AGAP1: variants seen among roughly 807,000 people sequenced by gnomAD.
AGAP1 encodes the protein ArfGAP with GTPase domain, ankyrin repeat and PH domain 1, also known as arf-GAP with GTPase, ANK repeat and PH domain-containing protein 1.
A neutral mutation model predicts 105.3 loss-of-function variants in AGAP1; 29 were observed. The ratio of observed to expected loss-of-function variants is 0.28; its 90% CI spans 0.21 to 0.38. AGAP1 has a LOEUF of 0.38. AGAP1 is among the 10% of genes least tolerant of loss of function. The pLI, the probability that AGAP1 is intolerant of heterozygous loss-of-function variation, is 1.00. For missense variants in AGAP1, 998 were observed against 1,165.1 expected, an observed-to-expected ratio of 0.86 and a Z score of 2.09; for synonymous variants, 509 against 485.9, an observed-to-expected ratio of 1.05 and a Z score of -0.63.
rs984528503 is a variant in AGAP1 at position 235,904,666 on chromosome 2, C to T, written c.1156-4072C>T. Among the ~76,000 whole-genome samples the T allele has an allele frequency of 2.6e-5, 4 of 152,140 alleles. No homozygotes were observed. Among genetic ancestry groups the T allele is most frequent in the East Asian group, 1.9e-4 (1 of 5,186 alleles). On this transcript the variant is annotated intron_variant, in intron 10 of 17. Transcript: ENST00000304032. This position sits in a 1 kb window ranked among gnomAD's most constrained non-coding sequence, Gnocchi z 4.2. ...TTTACCGAGGTCCCTAACTCAGACC[C>T]GTGAAGGGTCTGCACAGCCCCTTGA...
In AGAP1 at chr2:235,736,833, T is replaced by A. The variant is rs113978886; in HGVS notation, c.311-4130T>A. Among the ~76,000 whole-genome samples the A allele has an allele frequency of 6.6e-5, 10 of 152,246 alleles. No homozygotes were observed. Among genetic ancestry groups the A allele is most frequent in the African/African-American group, 2.2e-4 (9 of 41,546 alleles). ...TCCAGCCTAGGCAACAGAGTGAGAC[T>A]GTGTCTCAAAAAACAAAACAAAACA... On this transcript the variant is annotated intron_variant, in intron 3 of 17. Coordinates refer to ENST00000304032, the MANE Select transcript of AGAP1 (RefSeq NM_001037131.3). This position sits in a 1 kb window ranked among gnomAD's most constrained non-coding sequence, Gnocchi z 5.5.
chr2:235,589,183 CTTA>C (rs1945231800), intron 1 of AGAP1, among the ~76,000 whole-genome samples: 1 of 103,034 alleles, frequency 9.7e-6, no homozygotes, highest in African/African-American at 3.5e-5. Flanking sequence ...CAGTTAATAG[CTTA>C]TTGTTTTGTT....
At position 235,639,859 on chromosome 2, in the gene AGAP1, G is replaced by A. The variant is rs1947132253; in HGVS notation, c.164-69320G>A. Among the ~76,000 whole-genome samples the A allele has an allele frequency of 6.6e-6, 1 of 152,120 alleles. No homozygotes were observed. The highest frequency in any genetic ancestry group is 2.4e-5 in the African/African-American group (1 of 41,410). ...TTGGATTATTTGCAACGTCTTGAGGGGTCCACGGATTGATAGAGTCAGCAG... is the reference window on the plus strand; with the variant it reads ...TTGGATTATTTGCAACGTCTTGAGGAGTCCACGGATTGATAGAGTCAGCAG... On this transcript the variant is annotated intron_variant, in intron 1 of 17. Transcript: ENST00000304032. This position sits in a 1 kb window ranked among gnomAD's most constrained non-coding sequence, Gnocchi z 5.3.
intron 1 of AGAP1, among the ~76,000 whole-genome samples, chr2:235,707,005 G>A (rs372552697): frequency 6.6e-5 from 10 of 152,268 alleles, no homozygotes; most frequent in East Asian, 3.8e-4. Context: ...GCCCACGCTA[G>A]TGCGTTCCTC....
chr2:235,589,186 ATTGTTTTGTTTTTTTTTT>A (rs1423315111), intron 1 of AGAP1, among the ~76,000 whole-genome samples: 3 of 35,086 alleles, frequency 8.6e-5, no homozygotes, highest in Admixed American at 3.2e-4. Flanking sequence ...TTAATAGCTT[ATTGTTTTGTTTTTTTTTT>A]TTTTTTTTTT....
At chr2:235,546,666 G>A (rs545476287) in intron 1 of AGAP1, among the ~76,000 whole-genome samples, 4 of 152,204 alleles carry the variant, frequency 2.6e-5, no homozygotes, top group Admixed American at 2.6e-4. Context: ...GGCATCATTG[G>A]GAGTGATGGC....
intron 1 of AGAP1, among the ~76,000 whole-genome samples, chr2:235,686,554 T>TACAC (rs1315334928): frequency 4.7e-3 from 241 of 51,350 alleles, no homozygotes; most frequent in Middle Eastern, 0.024. Flanking sequence ...GAGATATATA[T>TACAC]ATACACACAC....
chr2:235,718,315 A>G (rs1242431160), intron 3 of AGAP1: 15 of 959,500 alleles, frequency 1.6e-5, no homozygotes, highest in African/African-American at 1.8e-5. Flanking sequence ...ACTTTGTTAA[A>G]TCCAACTCTG....
chr2:235,943,057 T>G (rs2053334756), intron 12 of AGAP1, among the ~76,000 whole-genome samples: 1 of 152,256 alleles, frequency 6.6e-6, no homozygotes, highest in Admixed American at 6.5e-5. Context: ...AACTTTGTGA[T>G]GTTTTGTGTT....
intron 1 of AGAP1, among the ~76,000 whole-genome samples, chr2:235,708,480 T>G (rs1575187482): frequency 1.3e-5 from 2 of 151,400 alleles, no homozygotes; most frequent in African/African-American, 4.9e-5. Context: ...CGGGGGAGAG[T>G]GCACCTGCAG....
chr2:235,623,325 A>G lies in AGAP1; in HGVS notation c.164-85854A>G, dbSNP rs556483365. The stretch of plus-strand genomic sequence containing the variant: ...AATCTGGGCGTTAGCCTACAAATCA[A>G]GATTTGCTTTGCCTCGTTGTGTAAA... On this transcript the variant is annotated intron_variant, in intron 1 of 17. Transcript: ENST00000304032. This position sits in a 1 kb window ranked among gnomAD's most constrained non-coding sequence, Gnocchi z 4.5. 1.3e-5 allele frequency among the ~76,000 whole-genome samples: 2 copies of G among 152,322 alleles called. No individual in the cohort carries two copies. The highest frequency in any genetic ancestry group is 4.1e-4 in the South Asian group (2 of 4,830).
chr2:236,115,235 C>T (rs1392494463), intron 16 of AGAP1, among the ~76,000 whole-genome samples: 1 of 152,210 alleles, frequency 6.6e-6, no homozygotes, highest in African/African-American at 2.4e-5. Context: ...TCGTGACAGC[C>T]GCTGTTTGCA....
At chr2:235,863,193 A>G (rs1272703223) in intron 9 of AGAP1, among the ~76,000 whole-genome samples, 1 of 152,230 alleles carries the variant, frequency 6.6e-6, no homozygotes, top group Non-Finnish European at 1.5e-5. Context: ...TGATGTAGCA[A>G]CTAAGGAGCC....
At chr2:235,546,637 G>A (rs945381985) in intron 1 of AGAP1, among the ~76,000 whole-genome samples, 6 of 152,094 alleles carry the variant, frequency 3.9e-5, no homozygotes, top group Non-Finnish European at 5.9e-5. Context: ...CGTGGCTGGC[G>A]TGGTGACGGG....
intron 16 of AGAP1, among the ~76,000 whole-genome samples, chr2:236,079,747 G>T (rs1341989709): frequency 6.6e-6 from 1 of 152,058 alleles, no homozygotes; most frequent in Non-Finnish European, 1.5e-5. Context: ...CAGGGAAGGG[G>T]GTGGTACAGA....
chr2:235,729,964 A>G lies in AGAP1; in HGVS notation c.311-10999A>G, dbSNP rs1174767704. On this transcript the variant is annotated intron_variant, in intron 3 of 17. Transcript: ENST00000304032. The surrounding 1 kb of genome is among the most constrained non-coding windows in gnomAD (Gnocchi z 5.0). ...AGGCAGTTCGCCAGCCCCCTACCCT[A>G]CAGTATGGAAAAAAGGCATAGAACA... 6.6e-6 allele frequency among the ~76,000 whole-genome samples: 1 copy of G among 152,048 alleles called. No individual in the cohort carries two copies. The highest frequency in any genetic ancestry group is 1.5e-5 in the Non-Finnish European group (1 of 68,030).
chr2:236,125,745 C>T lies in AGAP1; in HGVS notation c.*1623C>T, dbSNP rs1217098879. On this transcript the variant is annotated 3_prime_UTR_variant, in exon 18 of 18. Coordinates refer to ENST00000304032, the MANE Select transcript of AGAP1 (RefSeq NM_001037131.3). This position sits in a 1 kb window ranked among gnomAD's most constrained non-coding sequence, Gnocchi z 5.2. ...GCTAGTACCTCGCCTGATTTTCCAT[C>T]GTTGCGGTATCCAGCCGCTTCAGAC... is the stretch of plus-strand genomic sequence containing the variant. 7 of 152,208 alleles carry T rather than the reference C, an allele frequency of 4.6e-5. No individual in the cohort carries two copies. Among genetic ancestry groups the T allele is most frequent in the Non-Finnish European group, 8.8e-5 (6 of 68,044 alleles). The allele number at this position is 152,208 out of a possible 1,614,324, so 9.4% of individuals were successfully genotyped here.
In AGAP1 at chr2:235,609,320, G is replaced by T. The variant is rs915186424; in HGVS notation, c.164-99859G>T. 6.6e-6 allele frequency among the ~76,000 whole-genome samples: 1 copy of T among 152,190 alleles called. No individual in the cohort carries two copies. Among genetic ancestry groups the T allele is most frequent in the Non-Finnish European group, 1.5e-5 (1 of 68,048 alleles). On this transcript the variant is annotated intron_variant, in intron 1 of 17. Transcript: ENST00000304032. This position sits in a 1 kb window ranked among gnomAD's most constrained non-coding sequence, Gnocchi z 5.1. ...CAATGAAATTGAGTCCCTAGCAGGA[G>T]AAGTCCCTGTTAAAATGGCCAGAGG... is the stretch of plus-strand genomic sequence containing the variant.
chr2:235,935,751 A>AT (rs536018718), intron 12 of AGAP1, among the ~76,000 whole-genome samples: 1 of 152,074 alleles, frequency 6.6e-6, no homozygotes, highest in Non-Finnish European at 1.5e-5. Flanking sequence ...GAAGCCTGTA[A>AT]TTTTTTTTGA....
Sources: allele counts gnomAD v4.1 joint callset (sites outside exome capture counted in the v4.1 genomes callset), GRCh38; gene constraint gnomAD v4.1.1; non-coding constraint Gnocchi (gnomAD v3.1); transcripts MANE v1.5; gene names NCBI Gene and HGNC (gene_info 2026-07-23, HGNC 2026-07-21).